SBF2: variants seen among roughly 807,000 people sequenced by gnomAD.
SBF2 encodes SET binding factor 2.
A neutral mutation model predicts 225.2 loss-of-function variants in SBF2; 112 were observed. The observed-to-expected ratio is 0.50, with a 90% confidence interval of 0.43 to 0.58. The LOEUF (loss-of-function observed/expected upper bound fraction) is 0.58. SBF2 is among the 20% of genes least tolerant of loss of function. SBF2 has a pLI of 0.00. For missense variants in SBF2, 1,996 were observed against 2,206.2 expected (o/e 0.90, Z 1.91); for synonymous variants, 763 against 773.3 (o/e 0.99, Z 0.22).
chr11:10,002,743 C>A, intron 6 of SBF2, 54 bp from the exon 7 acceptor site: 2 of 1,541,490 alleles, frequency 1.3e-6, no homozygotes, highest in East Asian at 2.3e-5. Context: ...TATGTGTTGT[C>A]AACAATCATA....
chr11:9,998,240 G>A, intron 9 of SBF2, 26 bp downstream of exon 9: 1 of 1,286,696 alleles, frequency 7.8e-7, no homozygotes, highest in South Asian at 1.2e-5. Context: ...TAAAGAGAAA[G>A]TTACTATTAC....
intron 1 of SBF2, among the ~76,000 whole-genome samples, chr11:10,259,364 G>A (rs1961205997): frequency 6.6e-6 from 1 of 152,154 alleles, no homozygotes; most frequent in East Asian, 1.9e-4. Flanking sequence ...TGAGCTGTCT[G>A]TAAAGTGCTC....
chr11:10,273,022 A>T (rs1203160549), intron 1 of SBF2, among the ~76,000 whole-genome samples: 1 of 151,986 alleles, frequency 6.6e-6, no homozygotes, highest in Non-Finnish European at 1.5e-5. Context: ...GTGAGCCAAG[A>T]TCGCGCCACT....
At chr11:10,133,303 C>G (rs1441833132) in intron 2 of SBF2, among the ~76,000 whole-genome samples, 28 of 149,536 alleles carry the variant, frequency 1.9e-4, no homozygotes, top group Non-Finnish European at 3.1e-4. Context: ...GCCGTGTGCT[C>G]GCATTCCTCA....
chr11:9,954,988 T>A lies in SBF2; in HGVS notation c.1860+6969A>T, dbSNP rs116422200. On this transcript the variant is annotated intron_variant, in intron 16 of 39. Coordinates refer to ENST00000256190, the MANE Select transcript of SBF2 (RefSeq NM_030962.4). ...TTAATCTGTTAATTCTATTCCTTTA[T>A]CCTCTATAATAATGGTAACAAAGTA... Among the ~76,000 whole-genome samples, 1,304 of 152,208 alleles carry A rather than the reference T, an allele frequency of 8.6e-3. 14 individuals are homozygous for A. Among genetic ancestry groups the A allele is most frequent in the African/African-American group, 0.03 (1,229 of 41,558 alleles).
intron 16 of SBF2, among the ~76,000 whole-genome samples, chr11:9,954,397 G>C (rs576899978): frequency 6.6e-6 from 1 of 152,252 alleles, no homozygotes; most frequent in East Asian, 1.9e-4. Flanking sequence ...AATCCCTGTT[G>C]ATAAGTACGT....
At chr11:10,076,605 C>T (rs1222526428) in intron 2 of SBF2, among the ~76,000 whole-genome samples, 1 of 152,220 alleles carries the variant, frequency 6.6e-6, no homozygotes, top group African/African-American at 2.4e-5. Flanking sequence ...TGAAGAAAGA[C>T]TGCTTATAAC....
intron 10 of SBF2, 113 bp from the exon 11 acceptor site, chr11:9,993,216 C>T (rs1947521718): frequency 2.7e-6 from 2 of 737,312 alleles, no homozygotes; most frequent in Admixed American, 2.2e-5. Flanking sequence ...TTTATATCCA[C>T]CAAAACAATT....
chr11:10,215,717 G>A (rs1354914425), intron 1 of SBF2, among the ~76,000 whole-genome samples: 2 of 152,184 alleles, frequency 1.3e-5, no homozygotes, highest in Non-Finnish European at 2.9e-5. Flanking sequence ...TTCTTGCATA[G>A]ACTACTGCAA....
At chr11:10,260,420 C>CAA (rs36024423) in intron 1 of SBF2, among the ~76,000 whole-genome samples, 1 of 151,160 alleles carries the variant, frequency 6.6e-6, no homozygotes, top group Non-Finnish European at 1.5e-5. Flanking sequence ...CCCATCTCTA[C>CAA]AAAAAAAATT....
intron 16 of SBF2, among the ~76,000 whole-genome samples, chr11:9,953,481 T>C (rs1458026664): frequency 1.3e-5 from 2 of 151,940 alleles, no homozygotes; most frequent in East Asian, 1.9e-4. Flanking sequence ...CAGATATATA[T>C]GATGGAATAC....
intron 1 of SBF2, among the ~76,000 whole-genome samples, chr11:10,228,963 G>A (rs1296417724): frequency 1.3e-5 from 2 of 151,708 alleles, no homozygotes; most frequent in African/African-American, 4.8e-5. Flanking sequence ...TTTTTTTTTG[G>A]TTGGTAAGCT....
chr11:10,261,672 T>C (rs767938553), intron 1 of SBF2, among the ~76,000 whole-genome samples: 6 of 152,196 alleles, frequency 3.9e-5, no homozygotes, highest in Admixed American at 1.3e-4. Context: ...AAAACACTTA[T>C]AAGAATATTC....
intron 1 of SBF2, among the ~76,000 whole-genome samples, chr11:10,286,428 C>T (rs561134898): frequency 1.0e-4 from 4 of 40,188 alleles, no homozygotes; most frequent in East Asian, 4.5e-4. Flanking sequence ...ACTGCGATCT[C>T]GGCTCACTGC....
At chr11:10,026,100 A>G (rs17272751) in intron 6 of SBF2, among the ~76,000 whole-genome samples, 15,516 of 151,326 alleles carry the variant, frequency 0.1, 1,012 homozygotes, top group Middle Eastern at 0.24. Flanking sequence ...CCTAAACATC[A>G]CACAAACTGC....
rs60827616 is a variant in SBF2 at position 10,245,133 on chromosome 11, CAAA to C, written c.55+48879_55+48881del. Among the ~76,000 whole-genome samples, 635 of 92,508 alleles carry C rather than the reference CAAA, an allele frequency of 6.9e-3. 2 individuals carry two copies. Among genetic ancestry groups the C allele is most frequent in the African/African-American group, 0.025 (601 of 23,846 alleles). 60.7% of individuals were successfully genotyped at this position (92,508 alleles called of 152,430 possible). A position where few individuals can be genotyped will look rare whatever the true frequency, so the allele number is the denominator to read the frequency against. ...TGGGCAACGGAGTGAGACCCTGTCTCAAAAAAAAAAAAAAAAAAAATTAAAATG... is the reference window on the plus strand; with the variant it reads ...TGGGCAACGGAGTGAGACCCTGTCTCAAAAAAAAAAAAAAAAATTAAAATG... On this transcript the variant is annotated intron_variant, in intron 1 of 39. Coordinates refer to ENST00000256190, the MANE Select transcript of SBF2 (RefSeq NM_030962.4).
At chr11:10,090,313 A>T (rs1951725362) in intron 2 of SBF2, among the ~76,000 whole-genome samples, 1 of 152,172 alleles carries the variant, frequency 6.6e-6, no homozygotes, top group Non-Finnish European at 1.5e-5. Context: ...TACACTTTAA[A>T]ATGGTTAAAA....
chr11:10,163,055 A>C (rs1322202604), intron 2 of SBF2, among the ~76,000 whole-genome samples: 1 of 152,178 alleles, frequency 6.6e-6, no homozygotes, highest in Non-Finnish European at 1.5e-5. Flanking sequence ...AGTCCAAAGG[A>C]CTAGATAAAT....
chr11:9,941,705 G>A (rs1865261521), intron 16 of SBF2, among the ~76,000 whole-genome samples: 1 of 151,996 alleles, frequency 6.6e-6, no homozygotes, highest in Non-Finnish European at 1.5e-5. Flanking sequence ...CACAGATAAA[G>A]CTTAATGATT....
Sources: gnomAD v4.1 joint callset for allele counts (sites outside exome capture counted in the v4.1 genomes callset) on GRCh38, gnomAD v4.1.1 for gene constraint, MANE v1.5 for transcripts, NCBI Gene and HGNC (gene_info 2026-07-23, HGNC 2026-07-21) for gene names.